Variants in PHEX observed in about 807,000 individuals in gnomAD.
PHEX encodes the protein phosphate-regulating neutral endopeptidase PHEX.
In PHEX, 16 loss-of-function variants were observed where a neutral mutation model predicts 68.0. The ratio of observed to expected loss-of-function variants is 0.24; its 90% CI spans 0.16 to 0.36. The LOEUF (loss-of-function observed/expected upper bound fraction) is 0.36, where lower values mean the gene tolerates loss of function less well. Among genes scored for constraint, PHEX ranks in the 10% least tolerant of loss-of-function variants. The pLI, the probability that PHEX is intolerant of heterozygous loss-of-function variation, is 1.00. For synonymous variants in PHEX, 208 were observed against 205.1 expected (o/e 1.01, Z -0.12); for missense variants, 480 against 575.5 (o/e 0.83, Z 1.70).
intron 20 of PHEX, among the ~76,000 whole-genome samples, chrX:22,235,286 C>G (rs755850334): frequency 2.7e-5 from 3 of 111,991 alleles, no homozygotes; most frequent in Non-Finnish European, 5.6e-5. Context: ...AGTGCTGTTC[C>G]TATTTGGCCA....
intron 20 of PHEX, among the ~76,000 whole-genome samples, chrX:22,238,371 G>C (rs751868098): frequency 9.0e-6 from 1 of 111,613 alleles, no homozygotes; most frequent in Non-Finnish European, 1.9e-5. Flanking sequence ...GAAGCCATGA[G>C]AGACTTTACC....
intron 15 of PHEX, among the ~76,000 whole-genome samples, chrX:22,202,819 G>A (rs1226833263): frequency 1.8e-5 from 2 of 111,700 alleles, no homozygotes; most frequent in African/African-American, 3.3e-5. Context: ...ATAGTGGAAG[G>A]AAATTAGTGT....
At chrX:22,128,567 A>G (rs1302647462) in intron 11 of PHEX, among the ~76,000 whole-genome samples, 1 of 111,229 alleles carries the variant, frequency 9.0e-6, no homozygotes, top group East Asian at 2.8e-4. Context: ...AAGATTCATC[A>G]TAGGAATCCA....
At chrX:22,218,326 TAAG>T (rs374709881) in intron 16 of PHEX, among the ~76,000 whole-genome samples, 1 of 111,395 alleles carries the variant, frequency 9.0e-6, no homozygotes, top group Non-Finnish European at 1.9e-5. Flanking sequence ...AGTCCAAATT[TAAG>T]AAGAGGGAAA....
At chrX:22,221,565 T>C in intron 17 of PHEX, 48 bp from the exon 18 acceptor site, 1 of 1,108,129 alleles carries the variant, frequency 9.0e-7, no homozygotes, top group Non-Finnish European at 1.2e-6. Context: ...AAGATGAATT[T>C]AGTTTCCATA....
At chrX:22,088,161 A>C (rs190367980) in intron 5 of PHEX, among the ~76,000 whole-genome samples, 36 of 112,035 alleles carry the variant, frequency 3.2e-4, no homozygotes, top group Middle Eastern at 9.2e-3. Context: ...CCCATGTTGT[A>C]TCAGTTCATT....
chrX:22,053,370 A>G (rs750215732), intron 3 of PHEX, among the ~76,000 whole-genome samples: 12 of 112,006 alleles, frequency 1.1e-4, no homozygotes, highest in Non-Finnish European at 1.9e-4. Context: ...GACTTGACAG[A>G]CCTGGCTGAT....
chrX:22,090,294 T>C (rs1267221273), intron 5 of PHEX, 135 bp from the exon 6 acceptor site: 2 of 520,285 alleles, frequency 3.8e-6, no homozygotes, highest in African/African-American at 4.6e-5. Context: ...TAATTCTGAG[T>C]GTACTGAATT....
chrX:22,239,226 G>A (rs982266358), intron 20 of PHEX, among the ~76,000 whole-genome samples: 5 of 111,499 alleles, frequency 4.5e-5, no homozygotes, highest in Admixed American at 9.5e-5. Context: ...GACCATATCC[G>A]AAGGTCACCA....
At chrX:22,155,563 T>C (rs1395288209) in intron 12 of PHEX, among the ~76,000 whole-genome samples, 1 of 112,074 alleles carries the variant, frequency 8.9e-6, no homozygotes, top group African/African-American at 3.2e-5. Flanking sequence ...AAAATGTTTT[T>C]AAATAATTTG....
intron 3 of PHEX, among the ~76,000 whole-genome samples, chrX:22,055,174 CAAAAAAAAAAAAAAAAAAA>C (rs111628195): frequency 2.7e-4 from 18 of 66,096 alleles, no homozygotes; most frequent in East Asian, 1.0e-3. Flanking sequence ...GACTCCAGCT[CAAAAAAAAAAAAAAAAAAA>C]AAAAAAAAAA....
chrX:22,164,745 A>G (rs1376095286), intron 12 of PHEX, among the ~76,000 whole-genome samples: 2 of 112,465 alleles, frequency 1.8e-5, no homozygotes, highest in African/African-American at 3.2e-5. Flanking sequence ...CATATGACTT[A>G]TAGCGAGCTG....
intron 14 of PHEX, among the ~76,000 whole-genome samples, 176 bp downstream of exon 14, chrX:22,178,552 G>C (rs1294598683): frequency 9.0e-6 from 1 of 111,587 alleles, no homozygotes. Context: ...ACGTGATTCA[G>C]ATCTTAAGTC....
At chrX:22,060,287 G>T (rs73201128) in intron 3 of PHEX, among the ~76,000 whole-genome samples, 3,125 of 111,837 alleles carry the variant, frequency 0.028, 38 homozygotes, top group Non-Finnish European at 0.046. Flanking sequence ...GTACAACAGA[G>T]CTAGCTTGTT....
chrX:22,213,102 T>C, intron 16 of PHEX, 144 bp downstream of exon 16: 1 of 519,300 alleles, frequency 1.9e-6, no homozygotes, highest in South Asian at 2.7e-5. Flanking sequence ...CTCTTATCAT[T>C]TTAGGTATTT....
At chrX:22,134,374 T>G (rs1186727028) in intron 12 of PHEX, among the ~76,000 whole-genome samples, 1 of 112,233 alleles carries the variant, frequency 8.9e-6, no homozygotes, top group Admixed American at 9.4e-5. Flanking sequence ...GTGGATCACT[T>G]GAGGTCAGGA....
intron 15 of PHEX, among the ~76,000 whole-genome samples, chrX:22,210,354 C>T (rs1934880641): frequency 8.9e-6 from 1 of 111,893 alleles, no homozygotes; most frequent in Non-Finnish European, 1.9e-5. Flanking sequence ...GAGGCTCATG[C>T]AGGTGTCAGA....
intron 16 of PHEX, 79 bp downstream of exon 16, chrX:22,213,037 A>C (rs760201489): frequency 7.9e-5 from 61 of 772,673 alleles, no homozygotes; most frequent in Non-Finnish European, 1.2e-4. Context: ...GAAGAAACAA[A>C]GTCAAAGGTT....
At chrX:22,190,036 G>A (rs1053914698) in intron 14 of PHEX, among the ~76,000 whole-genome samples, 3 of 112,138 alleles carry the variant, frequency 2.7e-5, no homozygotes, top group African/African-American at 9.7e-5. Flanking sequence ...GGACAGGCCA[G>A]AGGTAATGCA....
Sources: gnomAD v4.1 joint callset for allele counts (sites outside exome capture counted in the v4.1 genomes callset) on GRCh38, gnomAD v4.1.1 for gene constraint, MANE v1.5 for transcripts, NCBI Gene and HGNC (gene_info 2026-07-23, HGNC 2026-07-21) for gene names.